WWC2: variants seen among roughly 807,000 people sequenced by gnomAD.
WWC2 encodes the protein WW and C2 domain containing 2, also known as protein WWC2.
WWC2 carries 101 observed loss-of-function variants against 138.5 expected under a neutral mutation model. That is an observed-to-expected ratio of 0.73 (90% confidence interval 0.62 to 0.86). The LOEUF (loss-of-function observed/expected upper bound fraction) is 0.86. Ranked by LOEUF, WWC2 falls within the 40% of genes least tolerant of loss-of-function variation. The probability of loss-of-function intolerance (pLI) is 0.00; values close to 1 mark genes in which losing one functional copy is unlikely to be tolerated. For synonymous variants in WWC2, 558 were observed against 538.4 expected, an observed-to-expected ratio of 1.04 and a Z score of -0.50; for missense variants, 1,420 against 1,419.4, an observed-to-expected ratio of 1.00 and a Z score of -0.01.
At chr4:183,276,194 CCTTT>C (rs1389818984) in intron 16 of WWC2, among the ~76,000 whole-genome samples, 2 of 151,890 alleles carry the variant, frequency 1.3e-5, no homozygotes, top group Admixed American at 1.3e-4. Flanking sequence ...TTACTTTCAA[CCTTT>C]CTGAGATATT....
intron 19 of WWC2, 55 bp from the exon 20 acceptor site, chr4:183,285,912 C>T (rs7678082): frequency 0.11 from 158,530 of 1,489,444 alleles, 9,771 homozygotes; most frequent in Non-Finnish European, 0.12. Flanking sequence ...CCCAAACTTC[C>T]ACTTGCACTC....
At chr4:183,197,756 A>G (rs1735182890) in intron 2 of WWC2, among the ~76,000 whole-genome samples, 1 of 152,122 alleles carries the variant, frequency 6.6e-6, no homozygotes, top group Non-Finnish European at 1.5e-5. Context: ...TTTAGTAATC[A>G]AGGTTTCATT....
Position 183,176,579 on chromosome 4 carries a change from C to A in WWC2, c.132-17020C>A, listed in dbSNP as rs563643428. Reference sequence around the variant, plus strand: ...CTAGGATTACAGGCACCTGCCACCACGCCCAGCTAATTTTTGTATTTTTAG... The same window carrying A: ...CTAGGATTACAGGCACCTGCCACCAAGCCCAGCTAATTTTTGTATTTTTAG... On this transcript the variant is annotated intron_variant, in intron 1 of 22. Coordinates refer to ENST00000403733, the MANE Select transcript of WWC2 (RefSeq NM_024949.6). Among the ~76,000 whole-genome samples the A allele has an allele frequency of 4.4e-3, 665 of 152,084 alleles. 4 individuals carry two copies. The highest frequency in any genetic ancestry group is 0.016 in the African/African-American group (647 of 41,506).
intron 4 of WWC2, among the ~76,000 whole-genome samples, chr4:183,223,347 G>A (rs543592693): frequency 1.3e-5 from 2 of 152,226 alleles, no homozygotes; most frequent in South Asian, 4.1e-4. Context: ...CTTTATTATG[G>A]GAAATACTAA....
intron 4 of WWC2, among the ~76,000 whole-genome samples, chr4:183,236,009 A>G (rs1736413005): frequency 6.6e-6 from 1 of 152,126 alleles, no homozygotes; most frequent in African/African-American, 2.4e-5. Flanking sequence ...GTTTTAATCA[A>G]CTGTTTTCAC....
chr4:183,132,457 C>CTT (rs761800223), intron 1 of WWC2, among the ~76,000 whole-genome samples: 7 of 142,608 alleles, frequency 4.9e-5, no homozygotes, highest in East Asian at 2.0e-4. Context: ...TTTTCTGTTT[C>CTT]TTTTTTTTTT....
At chr4:183,125,853 G>T (rs1255708169) in intron 1 of WWC2, among the ~76,000 whole-genome samples, 2 of 152,182 alleles carry the variant, frequency 1.3e-5, no homozygotes, top group African/African-American at 4.8e-5. Context: ...GGCACTGAAG[G>T]CCTTTAGGAC....
At chr4:183,264,759 A>T (rs1383175373) in intron 11 of WWC2, among the ~76,000 whole-genome samples, 2 of 152,186 alleles carry the variant, frequency 1.3e-5, no homozygotes, top group Non-Finnish European at 2.9e-5. Flanking sequence ...GAAAAACCAT[A>T]TTCTCTTCCA....
At position 183,255,525 on chromosome 4, in the gene WWC2, A is replaced by G. The variant is rs371057174; in HGVS notation, c.1196+1526A>G. On this transcript the variant is annotated intron_variant, in intron 9 of 22. Transcript: ENST00000403733. ...CAGCAATGATGTTTCATACTACTAC[A>G]TAGCATTTACATATTATAAAATTTT... Among the ~76,000 whole-genome samples, 870 of 152,332 alleles carry G rather than the reference A, an allele frequency of 5.7e-3. 5 individuals are homozygous for G. The highest frequency in any genetic ancestry group is 8.8e-3 in the Non-Finnish European group (596 of 68,030).
At chr4:183,199,657 A>G (rs1285390248) in intron 2 of WWC2, among the ~76,000 whole-genome samples, 1 of 152,190 alleles carries the variant, frequency 6.6e-6, no homozygotes, top group Non-Finnish European at 1.5e-5. Flanking sequence ...CTTCCTAAGC[A>G]CAGTAGGAAG....
intron 1 of WWC2, among the ~76,000 whole-genome samples, chr4:183,152,151 A>T (rs939992451): frequency 6.6e-6 from 1 of 152,096 alleles, no homozygotes; most frequent in African/African-American, 2.4e-5. Flanking sequence ...TAAGAAAGAA[A>T]AGGATTTAAC....
At chr4:183,258,440 T>G (rs1363140437) in intron 9 of WWC2, among the ~76,000 whole-genome samples, 3 of 152,250 alleles carry the variant, frequency 2.0e-5, no homozygotes, top group African/African-American at 7.2e-5. Flanking sequence ...GATAGATACC[T>G]ATAAATAAAA....
chr4:183,227,900 GAGAGA>G (rs1439213575), intron 4 of WWC2, among the ~76,000 whole-genome samples: 2 of 151,904 alleles, frequency 1.3e-5, no homozygotes, highest in Non-Finnish European at 1.5e-5. Context: ...AGCAGGAGAG[GAGAGA>G]AAAGAATAAA....
chr4:183,187,846 C>T (rs1228702495), intron 1 of WWC2, among the ~76,000 whole-genome samples: 6 of 151,884 alleles, frequency 4.0e-5, no homozygotes, highest in Middle Eastern at 3.4e-3. Flanking sequence ...GCACTCCAGC[C>T]TGGGCAACAA....
intron 1 of WWC2, among the ~76,000 whole-genome samples, chr4:183,100,680 C>G (rs1460360410): frequency 1.3e-5 from 2 of 152,132 alleles, no homozygotes; most frequent in African/African-American, 4.8e-5. Flanking sequence ...GCTGAAATAC[C>G]TAACTACTTT....
intron 4 of WWC2, 126 bp from the exon 5 acceptor site, chr4:183,240,052 ATAAAG>A: frequency 3.2e-6 from 2 of 624,230 alleles, no homozygotes; most frequent in Non-Finnish European, 5.4e-6. Context: ...GGAGAAACTG[ATAAAG>A]TAAATGTTAC....
At chr4:183,226,085 CTTTTCTTTTCT>C (rs1560852981) in intron 4 of WWC2, among the ~76,000 whole-genome samples, 1 of 144,318 alleles carries the variant, frequency 6.9e-6, no homozygotes, top group African/African-American at 2.6e-5. Flanking sequence ...CTTTTCTTTT[CTTTTCTTTTCT>C]TTTTTTTTTT....
chr4:183,307,075 A>T (rs956397147), intron 21 of WWC2, among the ~76,000 whole-genome samples: 2 of 152,174 alleles, frequency 1.3e-5, no homozygotes, highest in African/African-American at 2.4e-5. Flanking sequence ...CTTAAGCTCA[A>T]TTGGAACATT....
At chr4:183,315,517 TA>T in intron 22 of WWC2, 145 bp from the exon 23 acceptor site, 1 of 547,130 alleles carries the variant, frequency 1.8e-6, no homozygotes, top group Admixed American at 3.7e-5. Flanking sequence ...CTCCTGATTT[TA>T]AATGGAGTTC....
Sources: allele counts gnomAD v4.1 joint callset (sites outside exome capture counted in the v4.1 genomes callset), GRCh38; gene constraint gnomAD v4.1.1; transcripts MANE v1.5; gene names NCBI Gene and HGNC (gene_info 2026-07-23, HGNC 2026-07-21).